The following MAP4 variants were observed in gnomAD, a reference collection of about 807,000 sequenced individuals.
MAP4 encodes microtubule associated protein 4.
In MAP4, 76 loss-of-function variants were observed where a neutral mutation model predicts 170.2. That is an observed-to-expected ratio of 0.45 (90% CI 0.37 to 0.54). The LOEUF is 0.54. Ranked by LOEUF, MAP4 falls within the 20% of genes least tolerant of loss-of-function variation. The pLI is 0.00. For missense variants in MAP4, 2,506 were observed against 2,748.0 expected, an observed-to-expected ratio of 0.91 and a Z score of 1.97; for synonymous variants, 909 against 994.5, an observed-to-expected ratio of 0.91 and a Z score of 1.62.
intron 12 of MAP4, among the ~76,000 whole-genome samples, chr3:47,873,769 C>T (rs2094316682): frequency 6.6e-6 from 1 of 152,108 alleles, no homozygotes; most frequent in Admixed American, 6.5e-5. Flanking sequence ...GACTATTATT[C>T]AGAATAATCT....
At chr3:48,056,883 G>A (rs1444571130) in intron 1 of MAP4, among the ~76,000 whole-genome samples, 8 of 138,318 alleles carry the variant, frequency 5.8e-5, no homozygotes, top group African/African-American at 1.7e-4. Context: ...CACCCCGTCC[G>A]GGAGGTGAGG....
chr3:47,853,340 C>T lies in MAP4; in HGVS notation c.6709G>A (p.Gly2237Ser), dbSNP rs1390078373. The change falls in exon 20 of 21, where the codon GGC becomes AGC. Residue 2237 changes from glycine (G) to serine (S), a missense_variant. Coordinates refer to ENST00000683076, the MANE Select transcript of MAP4 (RefSeq NM_001385682.1). ...CCCGGACACAGAGGAGCCTCGCTGC[C>T]ACCGCCCTCAGTCTACAATGAAACA... is the stretch of plus-strand genomic sequence containing the variant. ...AGGAVKTEGG[G>S]SEAPLCPGPP... 1.2e-6 allele frequency: 2 copies of T among 1,606,500 alleles called. No individual in the cohort carries two copies. The highest frequency in any genetic ancestry group is 1.7e-6 in the Non-Finnish European group (2 of 1,178,042).
At chr3:47,918,936 G>T (rs1029789977) in intron 5 of MAP4, 95 bp from the exon 6 acceptor site, 56 of 980,280 alleles carry the variant, frequency 5.7e-5, no homozygotes, top group South Asian at 5.0e-4. Context: ...TGTTTTGTTT[G>T]TTTTTTTTTT....
chr3:47,980,355 G>T (rs541165410), intron 2 of MAP4, among the ~76,000 whole-genome samples: 1 of 152,104 alleles, frequency 6.6e-6, no homozygotes, highest in Non-Finnish European at 1.5e-5. Context: ...CTTGCTGACC[G>T]AAGAATTCAG....
At position 47,989,590 on chromosome 3, in the gene MAP4, T is replaced by C. The variant is rs183465000; in HGVS notation, c.223+9048A>G. Among the ~76,000 whole-genome samples, 415 of 152,246 alleles carry C rather than the reference T, an allele frequency of 2.7e-3. 1 individual carries two copies. Among genetic ancestry groups the C allele is most frequent in the African/African-American group, 9.2e-3 (384 of 41,538 alleles). On this transcript the variant is annotated intron_variant, in intron 2 of 20. Coordinates refer to ENST00000683076, the MANE Select transcript of MAP4 (RefSeq NM_001385682.1). ...AAATAAAATGAAAGCAAGAAGAGGT[T>C]AGAAAGGAAGAAGAGAAGCTGGATT...
chr3:47,947,780 C>T (rs2100061083), intron 3 of MAP4, among the ~76,000 whole-genome samples: 1 of 139,228 alleles, frequency 7.2e-6, no homozygotes, highest in South Asian at 2.3e-4. Flanking sequence ...CACTGCACTC[C>T]AGCCTGGGCG....
intron 3 of MAP4, among the ~76,000 whole-genome samples, chr3:47,957,820 A>C (rs2100068745): frequency 6.6e-6 from 1 of 152,162 alleles, no homozygotes; most frequent in Non-Finnish European, 1.5e-5. Context: ...TCAATCAGAG[A>C]CACCTTACAT....
At chr3:47,949,178 C>T (rs2100062022) in intron 3 of MAP4, among the ~76,000 whole-genome samples, 1 of 152,070 alleles carries the variant, frequency 6.6e-6, no homozygotes, top group Non-Finnish European at 1.5e-5. Context: ...TAAAAAATCA[C>T]CACCCAGCTG....
At chr3:47,968,572 G>C (rs1420387497) in intron 3 of MAP4, among the ~76,000 whole-genome samples, 1 of 152,088 alleles carries the variant, frequency 6.6e-6, no homozygotes, top group African/African-American at 2.4e-5. Flanking sequence ...CAAATCTTAA[G>C]AGGTACAGCT....
At chr3:47,902,781 G>T (rs1431796932) in intron 10 of MAP4, among the ~76,000 whole-genome samples, 169 bp downstream of exon 10, 1 of 148,592 alleles carries the variant, frequency 6.7e-6, no homozygotes, top group Non-Finnish European at 1.5e-5. Flanking sequence ...GTTAAGAAAA[G>T]ACATTACCAA....
At chr3:48,023,290 A>AG (rs1461826321) in intron 1 of MAP4, among the ~76,000 whole-genome samples, 1 of 152,228 alleles carries the variant, frequency 6.6e-6, no homozygotes, top group Non-Finnish European at 1.5e-5. Flanking sequence ...TTTTAAGGAG[A>AG]CAAGGCTTAG....
At chr3:47,893,605 C>T (rs377596948) in intron 10 of MAP4, among the ~76,000 whole-genome samples, 1 of 152,240 alleles carries the variant, frequency 6.6e-6, no homozygotes, top group South Asian at 2.1e-4. Context: ...AAAAAAATTA[C>T]ACTATAAGGA....
At chr3:47,854,417 C>T (rs1156538735) in intron 19 of MAP4, among the ~76,000 whole-genome samples, 2 of 152,076 alleles carry the variant, frequency 1.3e-5, no homozygotes, top group Non-Finnish European at 2.9e-5. Context: ...ACGGGCTGGG[C>T]AGTGGCTGGC....
intron 3 of MAP4, among the ~76,000 whole-genome samples, chr3:47,951,929 C>T (rs1452958857): frequency 6.6e-6 from 1 of 151,884 alleles, no homozygotes; most frequent in Admixed American, 6.5e-5. Flanking sequence ...GGCCGCCATC[C>T]CAACTAGGAA....
At chr3:47,980,659 C>A (rs1175293458) in intron 2 of MAP4, among the ~76,000 whole-genome samples, 1 of 152,026 alleles carries the variant, frequency 6.6e-6, no homozygotes, top group African/African-American at 2.4e-5. Flanking sequence ...ATTAAATAGC[C>A]GCTATGTAAC....
At chr3:48,070,744 TA>T (rs1363829188) in intron 1 of MAP4, among the ~76,000 whole-genome samples, 1 of 151,024 alleles carries the variant, frequency 6.6e-6, no homozygotes, top group Non-Finnish European at 1.5e-5. Context: ...CTCACACCTG[TA>T]ATCCCAGCAC....
chr3:47,984,472 A>ACATACATAGC (rs2100087379), intron 2 of MAP4, among the ~76,000 whole-genome samples: 1 of 152,224 alleles, frequency 6.6e-6, no homozygotes, highest in Non-Finnish European at 1.5e-5. Context: ...GATACAGGAT[A>ACATACATAGC]CATACATAGC....
At chr3:47,878,020 G>A (rs985318984) in intron 10 of MAP4, among the ~76,000 whole-genome samples, 3 of 152,120 alleles carry the variant, frequency 2.0e-5, no homozygotes, top group Non-Finnish European at 4.4e-5. Context: ...TTCTAACAGT[G>A]ACCCAGATTT....
rs1274379736 is a variant in MAP4 at position 48,081,295 on chromosome 3, AT to A, written c.-20+7477del. ...ACAGCGAGACTCCATCTCAAAAAAA[AT>A]AAATAAATAAAATAAATAAATAAAT... On this transcript the variant is annotated intron_variant, in intron 1 of 18. Coordinates refer to the MAP4 transcript ENST00000360240. Among the ~76,000 whole-genome samples the A allele has an allele frequency of 3.3e-5, 5 of 151,732 alleles. 1 individual carries two copies. Among genetic ancestry groups the A allele is most frequent in the African/African-American group, 9.7e-5 (4 of 41,296 alleles).
Sources: gnomAD v4.1 joint callset for allele counts (sites outside exome capture counted in the v4.1 genomes callset) on GRCh38, gnomAD v4.1.1 for gene constraint, MANE v1.5 for transcripts, NCBI Gene and HGNC (gene_info 2026-07-23, HGNC 2026-07-21) for gene names.